Variants in TCF4 observed in about 807,000 individuals in gnomAD.
TCF4 encodes the protein transcription factor 4.
A neutral mutation model predicts 82.1 loss-of-function variants in TCF4; 3 were observed. The ratio of observed to expected loss-of-function variants is 0.04; its 90% confidence interval spans 0.02 to 0.09. The LOEUF (loss-of-function observed/expected upper bound fraction) is 0.09, where lower values mean the gene tolerates loss of function less well. Ranked by LOEUF, TCF4 falls within the 10% of genes least tolerant of loss-of-function variation. The pLI is 1.00. For missense variants in TCF4, 518 were observed against 852.7 expected (o/e 0.61, Z 4.89); for synonymous variants, 276 against 309.6 (o/e 0.89, Z 1.14).
intron 8 of TCF4, among the ~76,000 whole-genome samples, chr18:55,339,687 C>T (rs935398324): frequency 2.0e-5 from 3 of 152,170 alleles, no homozygotes; most frequent in African/African-American, 7.2e-5. Context: ...CTCCCCCCTC[C>T]CTACTTTCAG....
chr18:55,484,745 A>G (rs2096491323), intron 3 of TCF4, among the ~76,000 whole-genome samples: 2 of 152,254 alleles, frequency 1.3e-5, no homozygotes, highest in Non-Finnish European at 2.9e-5. Context: ...TTTTAAAAAT[A>G]CAAACATGAC....
chr18:55,336,803 G>T (rs1458433241), intron 8 of TCF4, among the ~76,000 whole-genome samples: 1 of 152,038 alleles, frequency 6.6e-6, no homozygotes, highest in East Asian at 1.9e-4. Flanking sequence ...ATACTTCCAA[G>T]GGTACATCAA....
chr18:55,351,197 C>G (rs2082242919), intron 6 of TCF4, 194 bp from the exon 7 acceptor site: 5 of 627,704 alleles, frequency 8.0e-6, no homozygotes, highest in Non-Finnish European at 1.3e-5. Flanking sequence ...ATTTTTAATT[C>G]TTTACTTTTA....
chr18:55,464,915 G>C (rs1666868362), intron 3 of TCF4, among the ~76,000 whole-genome samples: 1 of 152,206 alleles, frequency 6.6e-6, no homozygotes, highest in Non-Finnish European at 1.5e-5. Context: ...ATGCTGAGTA[G>C]ATTACGAAAT....
intron 2 of TCF4, among the ~76,000 whole-genome samples, chr18:55,604,622 C>T (rs528890258): frequency 2.0e-5 from 3 of 152,180 alleles, no homozygotes; most frequent in East Asian, 1.9e-4. Flanking sequence ...GTGGCAAGAC[C>T]GGATCTCACT....
At chr18:55,258,540 G>A (rs552044684) in intron 13 of TCF4, among the ~76,000 whole-genome samples, 1 of 152,192 alleles carries the variant, frequency 6.6e-6, no homozygotes, top group South Asian at 2.1e-4. Flanking sequence ...ATTACCACTG[G>A]TAATAAACTC....
At chr18:55,554,481 T>C (rs1174685698) in intron 3 of TCF4, among the ~76,000 whole-genome samples, 1 of 152,206 alleles carries the variant, frequency 6.6e-6, no homozygotes, top group Non-Finnish European at 1.5e-5. Flanking sequence ...TTGTAATCCA[T>C]GAAATTCTTA....
intron 15 of TCF4, among the ~76,000 whole-genome samples, chr18:55,253,313 A>G (rs117279428): frequency 0.022 from 3,354 of 152,322 alleles, 63 homozygotes; most frequent in East Asian, 0.034. Flanking sequence ...CCATGCTTAA[A>G]CGAGAAATGC....
At chr18:55,275,893 T>G in intron 9 of TCF4, 141 bp from the exon 10 acceptor site, 4 of 1,052,814 alleles carry the variant, frequency 3.8e-6, no homozygotes, top group Non-Finnish European at 5.7e-6. Flanking sequence ...CAGAAGACAG[T>G]CATCATTTCT....
intron 4 of TCF4, among the ~76,000 whole-genome samples, chr18:55,461,561 AT>A (rs527387891): frequency 9.6e-4 from 146 of 152,296 alleles, no homozygotes; most frequent in African/African-American, 3.4e-3. Flanking sequence ...AAACAATAAC[AT>A]TTGGTGTTAG....
intron 6 of TCF4, among the ~76,000 whole-genome samples, chr18:55,365,233 GTATATATATGTGTGTGTATATATATA>G (rs1569206429): frequency 7.6e-6 from 1 of 130,800 alleles, no homozygotes; most frequent in African/African-American, 3.1e-5. Context: ...GTGTGTGTGT[GTATATATATGTGTGTGTATATATATA>G]TATATATACA....
intron 2 of TCF4, among the ~76,000 whole-genome samples, chr18:55,620,895 A>G (rs2097717240): frequency 6.6e-6 from 1 of 151,992 alleles, no homozygotes. Flanking sequence ...TCTTGCAACA[A>G]ACATTTATGT....
At chr18:55,501,948 G>C (rs2096706773) in intron 3 of TCF4, among the ~76,000 whole-genome samples, 1 of 152,144 alleles carries the variant, frequency 6.6e-6, no homozygotes, top group South Asian at 2.1e-4. Flanking sequence ...AAGAGAAATG[G>C]TGATAGATAA....
At chr18:55,487,765 G>C (rs567456874) in intron 3 of TCF4, among the ~76,000 whole-genome samples, 59 of 151,960 alleles carry the variant, frequency 3.9e-4, no homozygotes, top group African/African-American at 1.4e-3. Flanking sequence ...ATTTCTATGA[G>C]ATGAAATTCA....
At chr18:55,272,762 C>G (rs576351408) in intron 10 of TCF4, among the ~76,000 whole-genome samples, 1 of 152,188 alleles carries the variant, frequency 6.6e-6, no homozygotes, top group Admixed American at 6.6e-5. Context: ...CCTCTACGCA[C>G]TGGATTCCAG....
intron 1 of TCF4, 116 bp downstream of exon 1, chr18:55,587,922 G>C (rs1451660593): frequency 1.1e-6 from 1 of 872,288 alleles, no homozygotes; most frequent in Admixed American, 6.4e-5. Context: ...TGGGAGCGCC[G>C]GGCGCCGGGA....
intron 3 of TCF4, among the ~76,000 whole-genome samples, chr18:55,542,751 G>T (rs2097174990): frequency 6.6e-6 from 1 of 151,864 alleles, no homozygotes; most frequent in Admixed American, 6.6e-5. Flanking sequence ...CATTTATGAA[G>T]GCAAAATCCA....
At chr18:55,590,300 A>C (rs2097682725), upstream of TCF4, among the ~76,000 whole-genome samples, 1 of 152,204 alleles carries the variant, frequency 6.6e-6, no homozygotes, top group African/African-American at 2.4e-5. Flanking sequence ...CTCTGGGCCA[A>C]GTTGGTCCTA....
At chr18:55,607,133 T>G (rs1317043803) in intron 2 of TCF4, among the ~76,000 whole-genome samples, 1 of 152,194 alleles carries the variant, frequency 6.6e-6, no homozygotes, top group Non-Finnish European at 1.5e-5. Flanking sequence ...CGTTCAGATT[T>G]TATTTATTTT....
Sources: gnomAD v4.1 joint callset for allele counts (sites outside exome capture counted in the v4.1 genomes callset) on GRCh38, gnomAD v4.1.1 for gene constraint, MANE v1.5 for transcripts, NCBI Gene and HGNC (gene_info 2026-07-23, HGNC 2026-07-21) for gene names.